Variants in ZMYND15 observed in about 807,000 individuals in gnomAD.
ZMYND15 encodes zinc finger MYND-type containing 15.
A neutral mutation model predicts 81.7 loss-of-function variants in ZMYND15; 54 were observed. The observed-to-expected ratio is 0.66, with a 90% confidence interval of 0.53 to 0.83. ZMYND15 has a LOEUF of 0.83. ZMYND15 is among the 40% of genes least tolerant of loss of function. The pLI is 0.00. For missense variants in ZMYND15, 925 were observed against 973.5 expected (o/e 0.95, Z 0.66); for synonymous variants, 399 against 387.0 (o/e 1.03, Z -0.36).
intron 1 of ZMYND15, 29 bp from the exon 2 acceptor site, chr17:4,740,490 C>T (rs1916343794): frequency 1.3e-6 from 2 of 1,510,050 alleles, no homozygotes; most frequent in African/African-American, 1.4e-5. Context: ...CTCTCCTGTC[C>T]CTCACCATAT....
Position 4,744,548 on chromosome 17 carries a change from C to T in ZMYND15, c.1684-77C>T, listed in dbSNP as rs1916579011. 5.0e-6 allele frequency: 8 copies of T among 1,602,556 alleles called. No homozygotes were observed. The highest frequency in any genetic ancestry group is 1.3e-5 in the African/African-American group (1 of 74,646). On this transcript the variant is annotated intron_variant, in intron 10 of 13. Transcript: ENST00000433935. This position sits in a 1 kb window ranked among gnomAD's most constrained non-coding sequence, Gnocchi z 4.1. ...TTGGGTCCTGCCCTTCTGCCCCCCA[C>T]TCCCCATCTTGCCTGGTGCATCCTC...
chr17:4,744,258 G>A lies in ZMYND15; in HGVS notation c.1564G>A (p.Asp522Asn), dbSNP rs1290519132. 6.2e-7 allele frequency: 1 copy of A among 1,614,122 alleles called. No homozygotes were observed. The highest frequency in any genetic ancestry group is 8.5e-7 in the Non-Finnish European group (1 of 1,180,016). The change falls in exon 9 of 14, where the codon GAC becomes AAC. Residue 522 changes from aspartate (D) to asparagine (N), a missense_variant. Asp to Asn is a conservative substitution (Grantham distance 23). Coordinates refer to ENST00000433935, the MANE Select transcript of ZMYND15 (RefSeq NM_001136046.3). The surrounding 1 kb of genome is among the most constrained non-coding windows in gnomAD (Gnocchi z 4.1). ...IHVVEAGKEF[D>N]LVMVFWELLV... ...CGTGGTGGAGGCCGGGAAGGAGTTT[G>A]ACCTTGTCATGGTGTTTTGGGTAAG...
In ZMYND15 at chr17:4,743,895, G is replaced by C. The variant is rs775216600; in HGVS notation, c.1378+48G>C. On this transcript the variant is annotated intron_variant, in intron 7 of 13. Coordinates refer to ENST00000433935, the MANE Select transcript of ZMYND15 (RefSeq NM_001136046.3). This position sits in a 1 kb window ranked among gnomAD's most constrained non-coding sequence, Gnocchi z 4.3. ...AAGCTAGGGGTAGGGCCAGGGACTG[G>C]AGAACCAGAGCCTGGGTGGCTGTGA... 4 of 1,605,862 alleles carry C rather than the reference G, an allele frequency of 2.5e-6. No homozygotes were observed. Among genetic ancestry groups the C allele is most frequent in the Middle Eastern group, 1.7e-4 (1 of 5,990 alleles).
In ZMYND15 at chr17:4,742,008, C is replaced by A. The variant is rs761663698; in HGVS notation, c.921C>A (p.Ser307=). 1 of 1,614,192 alleles carries A rather than the reference C, an allele frequency of 6.2e-7. No homozygotes were observed. Among genetic ancestry groups the A allele is most frequent in the East Asian group, 2.2e-5 (1 of 44,888 alleles). Residue 307 remains serine (S), a synonymous_variant, in exon 4 of 14, where the codon TCC becomes TCA. Transcript: ENST00000433935. The part of the protein sequence containing the change: ...WGPRPGFTFA[S]LRARTCHVCH... ...CCCGGCCAGGCTTCACCTTTGCTTCCCTTCGTGCTCGAACCTGCCATGTGT... is the reference window on the plus strand; with the variant it reads ...CCCGGCCAGGCTTCACCTTTGCTTCACTTCGTGCTCGAACCTGCCATGTGT...
chr17:4,745,689 G>C lies in ZMYND15; in HGVS notation c.2058-130G>C. On this transcript the variant is annotated intron_variant, in intron 13 of 13. Transcript: ENST00000433935. The surrounding 1 kb of genome is among the most constrained non-coding windows in gnomAD (Gnocchi z 5.2). ...CTCAGAGGGGCAAGCCCCGCCCCCT[G>C]GTCCCTGACCGCCCGGTGGAGCCCC... 1.6e-6 allele frequency: 1 copy of C among 607,598 alleles called. No homozygotes were observed. The highest frequency in any genetic ancestry group is 2.7e-6 in the Non-Finnish European group (1 of 365,986). 37.6% of individuals were successfully genotyped at this position (607,598 alleles called of 1,614,324 possible).
Position 4,746,006 on chromosome 17 carries a change from T to A in ZMYND15, c.*16T>A. 4 of 1,420,100 alleles carry A rather than the reference T, an allele frequency of 2.8e-6. No individual in the cohort carries two copies. The highest frequency in any genetic ancestry group is 3.0e-5 in the African/African-American group (2 of 66,152). The allele number at this position is 1,420,100 out of a possible 1,614,324, so 88.0% of individuals were successfully genotyped here. A position where few individuals can be genotyped will look rare whatever the true frequency, so the allele number is the denominator to read the frequency against. ...GCGGAAATGAATGCTGATACCCTAG[T>A]AGTCCCCAGCTCCCAAACACTGAAA... On this transcript the variant is annotated 3_prime_UTR_variant, in exon 14 of 14. Coordinates refer to ENST00000433935, the MANE Select transcript of ZMYND15 (RefSeq NM_001136046.3).
At chr17:4,742,280 C>T (rs757800776) in intron 4 of ZMYND15, 51 bp from the exon 5 acceptor site, 2 of 1,599,512 alleles carry the variant, frequency 1.3e-6, no homozygotes, top group East Asian at 4.5e-5. Flanking sequence ...GAACAGCAGA[C>T]AGGACCTACA....
Position 4,744,697 on chromosome 17 carries a change from G to A in ZMYND15, c.1756G>A (p.Gly586Arg), listed in dbSNP as rs755782178. 2 of 1,613,954 alleles carry A rather than the reference G, an allele frequency of 1.2e-6. No individual in the cohort carries two copies. Among genetic ancestry groups the A allele is most frequent in the South Asian group, 1.1e-5 (1 of 91,084 alleles). The change falls in exon 11 of 14, where the codon GGG becomes AGG. Residue 586 changes from glycine (G) to arginine (R), a missense_variant. Physicochemically the swap from Gly to Arg is moderately radical, Grantham distance 125. Transcript: ENST00000433935. The surrounding 1 kb of genome is among the most constrained non-coding windows in gnomAD (Gnocchi z 4.1). Reference protein sequence around the residue: ...ARPSSGTKEKGGRRDLQIKVS... With the variant: ...ARPSSGTKEKRGRRDLQIKVS... ...GCCCAGCTCTGGCACTAAGGAGAAA[G>A]GGGGCCGCAGGGACCTGCAGATCAA...
Position 4,744,191 on chromosome 17 carries a change from C to A in ZMYND15, c.1497C>A (p.Phe499Leu). The change falls in exon 9 of 14, where the codon TTC becomes TTA. Residue 499 changes from phenylalanine to leucine, a missense_variant and splice_region_variant. Phe to Leu is a conservative substitution (Grantham distance 22). Coordinates refer to ENST00000433935, the MANE Select transcript of ZMYND15 (RefSeq NM_001136046.3). The surrounding 1 kb of genome is among the most constrained non-coding windows in gnomAD (Gnocchi z 4.1). ...TTAAAGCGCTGGTTTTTCACCCAGT[C>A]CCTGAGCTCAACATCCAAAACAAAC... is the stretch of plus-strand genomic sequence containing the variant. ...YVITHLVPQS[F>L]PELNIQNKQS... is the part of the protein sequence containing the mutation. The A allele has an allele frequency of 6.2e-7, 1 of 1,614,116 alleles. No homozygotes were observed. Among genetic ancestry groups the A allele is most frequent in the Non-Finnish European group, 8.5e-7 (1 of 1,180,018 alleles).
rs780957533 is a variant in ZMYND15, at chr17:4,740,614, C to G, written c.66C>G (p.Phe22Leu). 30 of 1,612,908 alleles carry G rather than the reference C, an allele frequency of 1.9e-5. No homozygotes were observed. The highest frequency in any genetic ancestry group is 2.3e-5 in the Non-Finnish European group (27 of 1,179,518). ...LDFTALLFGW[F>L]RKFVAERGAV... ...TCACTGCCCTTCTCTTCGGCTGGTT[C>G]CGAAAGTTTGTGGCAGAGCGTGGAG... The change falls in exon 2 of 14, where the codon TTC becomes TTG. Residue 22 changes from phenylalanine (F) to leucine (L), a missense_variant. By Grantham distance (22) the Phe-to-Leu change is conservative. Transcript: ENST00000433935.
intron 5 of ZMYND15, 80 bp downstream of exon 5, chr17:4,742,571 G>A: frequency 6.4e-7 from 1 of 1,552,388 alleles, no homozygotes; most frequent in Non-Finnish European, 8.8e-7. Flanking sequence ...TGGGAACAGG[G>A]TCCTGCAGTT....
At position 4,742,495 on chromosome 17, in the gene ZMYND15, C is replaced by T; in HGVS notation, c.1144+4C>T. ...CTGCCTTTTACCTACACCGCAGGTA[C>T]CATAAGGAGGTCAGAATGGTTGGGG... is the stretch of plus-strand genomic sequence containing the variant. On this transcript the variant is annotated splice_donor_region_variant and intron_variant, in intron 5 of 13. Transcript: ENST00000433935. 1 of 1,613,284 alleles carries T rather than the reference C, an allele frequency of 6.2e-7. No homozygotes were observed. Among genetic ancestry groups the T allele is most frequent in the Non-Finnish European group, 8.5e-7 (1 of 1,179,494 alleles).
Position 4,744,267 on chromosome 17 carries a change from A to G in ZMYND15, c.1573A>G (p.Met525Val), listed in dbSNP as rs1382824414. The change falls in exon 9 of 14, where the codon ATG becomes GTG. Residue 525 changes from methionine (M) to valine (V), a missense_variant. Transcript: ENST00000433935. This position sits in a 1 kb window ranked among gnomAD's most constrained non-coding sequence, Gnocchi z 4.1. ...GGCCGGGAAGGAGTTTGACCTTGTC[A>G]TGGTGTTTTGGGTAAGTCACCCCAG... ...VEAGKEFDLV[M>V]VFWELLVLLP... The G allele has an allele frequency of 1.9e-6, 3 of 1,613,926 alleles. No individual in the cohort carries two copies. The highest frequency in any genetic ancestry group is 2.5e-6 in the Non-Finnish European group (3 of 1,179,990).
Position 4,744,591 on chromosome 17 carries a change from G to A in ZMYND15, c.1684-34G>A. 1 of 1,603,856 alleles carries A rather than the reference G, an allele frequency of 6.2e-7. No homozygotes were observed. Among genetic ancestry groups the A allele is most frequent in the Non-Finnish European group, 8.5e-7 (1 of 1,175,150 alleles). Reference sequence around the variant, plus strand: ...GCATCCTCCAGTTCCCTGACTTCCAGTGGCTTTTCCACCCCACTCCTGGGG... The same window carrying A: ...GCATCCTCCAGTTCCCTGACTTCCAATGGCTTTTCCACCCCACTCCTGGGG... On this transcript the variant is annotated intron_variant, in intron 10 of 13. Coordinates refer to ENST00000433935, the MANE Select transcript of ZMYND15 (RefSeq NM_001136046.3). The surrounding 1 kb of genome is among the most constrained non-coding windows in gnomAD (Gnocchi z 4.1).
Position 4,744,029 on chromosome 17 carries a change from T to C in ZMYND15, c.1417T>C (p.Leu473=). The C allele has an allele frequency of 6.4e-7, 1 of 1,553,368 alleles. No individual in the cohort carries two copies. Among genetic ancestry groups the C allele is most frequent in the Non-Finnish European group, 8.7e-7 (1 of 1,147,646 alleles). ...TTACTACACATGGCGGGGCCTCAGC[T>C]TGGACTCCCCCATAGCCGTGCTTCT... ...QDYYTWRGLS[L]DSPIAVLLTY... The change falls in exon 8 of 14, where the codon TTG becomes CTG. Residue 473 remains leucine (L), a synonymous_variant. Transcript: ENST00000433935. This position sits in a 1 kb window ranked among gnomAD's most constrained non-coding sequence, Gnocchi z 4.1.
In ZMYND15 at chr17:4,740,225, C is replaced by G. The variant is rs371148651; in HGVS notation, c.-31+175C>G. 22 of 553,594 alleles carry G rather than the reference C, an allele frequency of 4.0e-5. 2 individuals are homozygous for G. In the East Asian group the frequency reaches 9.2e-4, roughly 23 times the overall value. 34.3% of individuals were successfully genotyped at this position (553,594 alleles called of 1,614,324 possible). A position where few individuals can be genotyped will look rare whatever the true frequency, so the allele number is the denominator to read the frequency against. ...GGATTAGCCCTCTCTCCTCTCTAGC[C>G]TTAATTTAAACTCTGCTTTTGAGGG... On this transcript the variant is annotated intron_variant, in intron 1 of 13. Transcript: ENST00000433935.
intron 1 of ZMYND15, 96 bp from the exon 2 acceptor site, chr17:4,740,423 G>T: frequency 7.1e-7 from 1 of 1,400,926 alleles, no homozygotes. Flanking sequence ...AACCCTAAGT[G>T]ACTCTCAAAC....
Position 4,740,760 on chromosome 17 carries a change from TG to T in ZMYND15, c.216del (p.Gln73LysfsTer28). On this transcript the variant is annotated frameshift_variant, in exon 2 of 14. Transcript: ENST00000433935. LOFTEE classifies it high-confidence loss of function. ...CCCAACCATAGTGTGGGCATCAGCCTGGGGCAAGGGGCAGAACCAGGTCCTG... is the reference window on the plus strand; with the variant it reads ...CCCAACCATAGTGTGGGCATCAGCCTGGGCAAGGGGCAGAACCAGGTCCTG... ...VLPNHSVGIS[L>X]GQGAEPGPGP... is the part of the protein sequence containing the mutation. 1 of 1,601,274 alleles carries T rather than the reference TG, an allele frequency of 6.2e-7. No individual in the cohort carries two copies. The highest frequency in any genetic ancestry group is 8.5e-7 in the Non-Finnish European group (1 of 1,170,838).
intron 2 of ZMYND15, 23 bp downstream of exon 2, chr17:4,741,163 G>GC: frequency 1.4e-6 from 2 of 1,414,536 alleles, no homozygotes; most frequent in Middle Eastern, 2.3e-4. Context: ...GGCTGGCCCT[G>GC]CCCTACCCCT....
Sources: allele counts gnomAD v4.1 joint callset, GRCh38; gene constraint gnomAD v4.1.1; non-coding constraint Gnocchi (gnomAD v3.1); transcripts MANE v1.5; gene names NCBI Gene and HGNC (gene_info 2026-07-23, HGNC 2026-07-21).